TFG: variants seen among roughly 807,000 people sequenced by gnomAD.
The protein encoded by TFG is trafficking from ER to golgi regulator.
Under a neutral mutation model 51.4 loss-of-function variants are expected in TFG, and 22 were observed. The ratio of observed to expected loss-of-function variants is 0.43; its 90% confidence interval spans 0.31 to 0.61. The LOEUF (loss-of-function observed/expected upper bound fraction) is 0.61, where lower values mean the gene tolerates loss of function less well. TFG is among the 20% of genes least tolerant of loss of function. The pLI is 0.12. For synonymous variants in TFG, 187 were observed against 165.6 expected (o/e 1.13, Z -0.99); for missense variants, 419 against 487.7 (o/e 0.86, Z 1.33).
intron 6 of TFG, among the ~76,000 whole-genome samples, chr3:100,738,931 A>T (rs1430047291): frequency 6.6e-6 from 1 of 152,142 alleles, no homozygotes; most frequent in Non-Finnish European, 1.5e-5. Context: ...GGTACTGTGT[A>T]TTGGAAGTCT....
intron 7 of TFG, among the ~76,000 whole-genome samples, chr3:100,745,263 C>T (rs2095131940): frequency 6.6e-6 from 1 of 152,080 alleles, no homozygotes; most frequent in South Asian, 2.1e-4. Flanking sequence ...CCCTCCACCT[C>T]TCCATTTATA....
At chr3:100,734,321 A>C (rs2095100354) in intron 5 of TFG, among the ~76,000 whole-genome samples, 2 of 151,972 alleles carry the variant, frequency 1.3e-5, no homozygotes, top group Non-Finnish European at 2.9e-5. Flanking sequence ...TTTTTCTCTG[A>C]GCCTTCTTGA....
chr3:100,748,320 C>T lies in TFG; in HGVS notation c.992C>T (p.Ala331Val), dbSNP rs755634269. The T allele has an allele frequency of 6.2e-7, 1 of 1,614,066 alleles. No homozygotes were observed. The highest frequency in any genetic ancestry group is 8.5e-7 in the Non-Finnish European group (1 of 1,179,978). ...ASNYPAQTYT[A>V]QTSQPTNYTV... ...AATTATCCTGCACAAACTTACACTGCCCAAACTTCTCAGCCTACTAATTAT... is the reference window on the plus strand; with the variant it reads ...AATTATCCTGCACAAACTTACACTGTCCAAACTTCTCAGCCTACTAATTAT... Residue 331 changes from alanine (A) to valine (V), a missense_variant, in exon 8 of 8, where the codon GCC becomes GTC. Physicochemically the swap from Ala to Val is moderately conservative, Grantham distance 64. This residue lies in a region of TFG where 391 missense variants were observed against 434.4 expected (regional missense o/e 0.90). Coordinates refer to ENST00000240851, the MANE Select transcript of TFG (RefSeq NM_006070.6).
At chr3:100,718,985 G>T (rs1467094877) in intron 2 of TFG, among the ~76,000 whole-genome samples, 1 of 152,188 alleles carries the variant, frequency 6.6e-6, no homozygotes, top group African/African-American at 2.4e-5. Context: ...AAGAAAAAAA[G>T]AACAGGAAGT....
intron 5 of TFG, among the ~76,000 whole-genome samples, chr3:100,733,612 CCA>C (rs755514457): frequency 2.0e-5 from 3 of 152,028 alleles, no homozygotes; most frequent in Non-Finnish European, 4.4e-5. Context: ...TTCCTCTCCC[CCA>C]CACACACTCC....
intron 2 of TFG, among the ~76,000 whole-genome samples, chr3:100,718,672 C>A (rs1381208084): frequency 6.7e-6 from 1 of 149,698 alleles, no homozygotes; most frequent in Non-Finnish European, 1.5e-5. Flanking sequence ...ATTCTCCTGC[C>A]TCGGCCTCCC....
chr3:100,724,321 G>A (rs544728466), intron 3 of TFG, among the ~76,000 whole-genome samples: 10 of 152,236 alleles, frequency 6.6e-5, no homozygotes, highest in African/African-American at 2.4e-4. Context: ...TAGTTAAGGA[G>A]AAACAAGGCA....
intron 3 of TFG, among the ~76,000 whole-genome samples, chr3:100,724,129 C>T (rs2095068454): frequency 6.6e-6 from 1 of 152,038 alleles, no homozygotes; most frequent in Non-Finnish European, 1.5e-5. Context: ...GTACTTACAG[C>T]CTTAAATACT....
intron 3 of TFG, among the ~76,000 whole-genome samples, chr3:100,723,082 T>C (rs186634162): frequency 6.6e-6 from 1 of 152,326 alleles, no homozygotes; most frequent in East Asian, 1.9e-4. Context: ...TACGTTTTAA[T>C]GAGCATTGAT....
intron 7 of TFG, among the ~76,000 whole-genome samples, chr3:100,745,503 A>G (rs954770908): frequency 8.5e-5 from 13 of 152,132 alleles, no homozygotes; most frequent in Non-Finnish European, 1.6e-4. Context: ...CATCCTGAGT[A>G]TTTTGTTTCT....
chr3:100,721,038 G>A (rs2095059470), intron 3 of TFG, among the ~76,000 whole-genome samples: 1 of 151,896 alleles, frequency 6.6e-6, no homozygotes, highest in Admixed American at 6.6e-5. Context: ...CATCTAGGAA[G>A]GATGAATATG....
At chr3:100,726,174 C>A (rs946209421) in intron 3 of TFG, among the ~76,000 whole-genome samples, 3 of 152,150 alleles carry the variant, frequency 2.0e-5, no homozygotes, top group Non-Finnish European at 2.9e-5. Context: ...GGTACAAGCC[C>A]TGGAGTCCAA....
chr3:100,719,943 A>T (rs1382136846), intron 2 of TFG, 32 bp from the exon 3 acceptor site: 2 of 1,421,370 alleles, frequency 1.4e-6, no homozygotes, highest in Non-Finnish European at 1.9e-6. Flanking sequence ...TTAAAAAATT[A>T]AAAAACAACC....
chr3:100,744,978 T>A, intron 7 of TFG, 47 bp downstream of exon 7: 1 of 1,253,748 alleles, frequency 8.0e-7, no homozygotes, highest in Non-Finnish European at 1.1e-6. Flanking sequence ...TTTGTTTCTA[T>A]ACTCATTAAA....
At chr3:100,710,392 C>T (rs2095027228) in intron 1 of TFG, 1 of 152,190 alleles carries the variant, frequency 6.6e-6, no homozygotes, top group African/African-American at 2.4e-5. Context: ...GAAAGTGAGC[C>T]TTGGAGGACT....
At chr3:100,729,325 TG>T (rs1419106974) in intron 4 of TFG, among the ~76,000 whole-genome samples, 1 of 152,190 alleles carries the variant, frequency 6.6e-6, no homozygotes, top group Non-Finnish European at 1.5e-5. Flanking sequence ...TCATTAAAAA[TG>T]GTATGTTGTA....
At chr3:100,717,391 G>A (rs893981592) in intron 2 of TFG, among the ~76,000 whole-genome samples, 6 of 152,166 alleles carry the variant, frequency 3.9e-5, no homozygotes, top group Admixed American at 2.6e-4. Flanking sequence ...GTCTGGGGTT[G>A]TATGTAGTTC....
At chr3:100,714,502 A>G (rs2149059103) in intron 2 of TFG, among the ~76,000 whole-genome samples, 1 of 152,150 alleles carries the variant, frequency 6.6e-6, no homozygotes, top group South Asian at 2.1e-4. Context: ...TCCGTCTCAA[A>G]AAAAAAAAAA....
intron 2 of TFG, among the ~76,000 whole-genome samples, chr3:100,718,025 A>G (rs1387368384): frequency 6.6e-6 from 1 of 152,124 alleles, no homozygotes; most frequent in Non-Finnish European, 1.5e-5. Context: ...CCTGGGCTCA[A>G]GCAGTCCTTG....
Sources: gnomAD v4.1 joint callset for allele counts (sites outside exome capture counted in the v4.1 genomes callset) on GRCh38, gnomAD v4.1.1 for gene constraint, gnomAD v4.1.1 regional missense constraint, MANE v1.5 for transcripts, NCBI Gene and HGNC (gene_info 2026-07-23, HGNC 2026-07-21) for gene names.